Variants in MARCHF8 observed in about 807,000 individuals in gnomAD.
The protein encoded by MARCHF8 is E3 ubiquitin-protein ligase MARCHF8.
MARCHF8 carries 40 observed loss-of-function variants against 51.6 expected under a neutral mutation model. The ratio of observed to expected loss-of-function variants is 0.77; its 90% CI spans 0.60 to 1.01. MARCHF8 has a LOEUF of 1.01. Ranked by LOEUF, MARCHF8 falls within the 50% of genes least tolerant of loss-of-function variation. MARCHF8 has a pLI of 0.00. For missense variants in MARCHF8, 685 were observed against 708.6 expected, an observed-to-expected ratio of 0.97 and a Z score of 0.38; for synonymous variants, 263 against 280.3, an observed-to-expected ratio of 0.94 and a Z score of 0.62.
chr10:45,578,290 T>A (rs2044512487), intron 1 of MARCHF8, among the ~76,000 whole-genome samples: 1 of 152,152 alleles, frequency 6.6e-6, no homozygotes, highest in Admixed American at 6.5e-5. Flanking sequence ...AGTAAATAGG[T>A]ACTCAAAGAA....
Position 45,533,263 on chromosome 10 carries a change from G to C in MARCHF8, c.-52C>G. The C allele has an allele frequency of 1.3e-6, 2 of 1,547,744 alleles. No individual in the cohort carries two copies. The highest frequency in any genetic ancestry group is 1.3e-5 in the South Asian group (1 of 79,474). On this transcript the variant is annotated 5_prime_UTR_variant, in exon 2 of 8. Transcript: ENST00000453424. ...TCACAGAAGAGAGTCTCCACTGGTA[G>C]AGTCATTTTGGGCCATGGATTTCAA... is the stretch of plus-strand genomic sequence containing the variant.
At chr10:45,466,393 G>A (rs993440181) in intron 3 of MARCHF8, among the ~76,000 whole-genome samples, 2 of 152,148 alleles carry the variant, frequency 1.3e-5, no homozygotes, top group African/African-American at 4.8e-5. Flanking sequence ...GCCTGATCAC[G>A]GTGTATTGCA....
At chr10:45,493,288 AGC>A in intron 2 of MARCHF8, among the ~76,000 whole-genome samples, 1 of 152,330 alleles carries the variant, frequency 6.6e-6, no homozygotes, top group African/African-American at 2.4e-5. Flanking sequence ...GCCCAAACTA[AGC>A]TTCAATGCCC....
intron 1 of MARCHF8, among the ~76,000 whole-genome samples, chr10:45,568,212 G>A (rs1377426648): frequency 1.3e-5 from 2 of 152,148 alleles, no homozygotes; most frequent in African/African-American, 4.8e-5. Flanking sequence ...TACACCATCT[G>A]TAAACAACGA....
Position 45,463,583 on chromosome 10 carries a change from G to A in MARCHF8, c.656C>T (p.Ser219Leu). 1 of 1,550,666 alleles carries A rather than the reference G, an allele frequency of 6.4e-7. No individual in the cohort carries two copies. The highest frequency in any genetic ancestry group is 2.4e-5 in the East Asian group (1 of 40,926). The change falls in exon 5 of 8, where the codon TCA becomes TTA. Residue 219 changes from serine to leucine, a missense_variant. Transcript: ENST00000453424. ...AGTTGAGCGACCGGCAGAAAGGCAT[G>A]AAACACAAGAATGTTTGGAATTGCC... is the stretch of plus-strand genomic sequence containing the variant. ...PLGNSKHSCVSCLSAGRSTAS... is the reference protein window; with the variant it reads ...PLGNSKHSCVLCLSAGRSTAS...
In MARCHF8 at chr10:45,469,864, CAAAAAAAAAAAAA is replaced by C. The variant is rs55832920; in HGVS notation, c.154-5550_154-5538del. Among the ~76,000 whole-genome samples the C allele has an allele frequency of 6.3e-4, 36 of 57,036 alleles. 1 individual carries two copies. The highest frequency in any genetic ancestry group is 3.4e-3 in the South Asian group (3 of 888). The allele number at this position is 57,036 out of a possible 152,430, so 37.4% of individuals were successfully genotyped here. A position where few individuals can be genotyped will look rare whatever the true frequency, so the allele number is the denominator to read the frequency against. ...TGGGCGACAGAGTGAGACTCCGTCT[CAAAAAAAAAAAAA>C]AAAAAAAAAAAAAAAAGCTACTTCT... On this transcript the variant is annotated intron_variant, in intron 3 of 7. Coordinates refer to ENST00000453424, the MANE Select transcript of MARCHF8 (RefSeq NM_001282866.2).
intron 2 of MARCHF8, among the ~76,000 whole-genome samples, chr10:45,527,058 A>C (rs2133256450): frequency 6.6e-6 from 1 of 152,344 alleles, no homozygotes; most frequent in South Asian, 2.1e-4. Context: ...AAGTTTAAAA[A>C]TTTTTTAAAC....
At chr10:45,541,121 G>A (rs1029547126) in intron 1 of MARCHF8, among the ~76,000 whole-genome samples, 7 of 152,148 alleles carry the variant, frequency 4.6e-5, no homozygotes, top group Non-Finnish European at 7.3e-5. Flanking sequence ...ACATGCACAC[G>A]TATGTTTATT....
intron 1 of MARCHF8, among the ~76,000 whole-genome samples, chr10:45,573,113 A>G (rs1386151394): frequency 6.6e-6 from 1 of 152,116 alleles, no homozygotes; most frequent in Non-Finnish European, 1.5e-5. Flanking sequence ...ATCAAATATG[A>G]AAAACCCAGC....
chr10:45,575,673 T>C (rs1425282640), intron 1 of MARCHF8, among the ~76,000 whole-genome samples: 2 of 152,190 alleles, frequency 1.3e-5, no homozygotes, highest in Non-Finnish European at 2.9e-5. Context: ...TTTCGTTTTA[T>C]TTTTCTTATT....
intron 2 of MARCHF8, among the ~76,000 whole-genome samples, chr10:45,502,559 G>A (rs2043300569): frequency 6.6e-6 from 1 of 152,132 alleles, no homozygotes; most frequent in Non-Finnish European, 1.5e-5. Flanking sequence ...AAAAAAGGAT[G>A]CATTACTTAT....
chr10:45,592,023 C>T (rs992488006), intron 1 of MARCHF8, among the ~76,000 whole-genome samples: 1 of 152,154 alleles, frequency 6.6e-6, no homozygotes, highest in Non-Finnish European at 1.5e-5. Flanking sequence ...TCAGATTACA[C>T]GTTTTAACTC....
At chr10:45,566,641 T>C (rs561020823) in intron 1 of MARCHF8, among the ~76,000 whole-genome samples, 57 of 152,190 alleles carry the variant, frequency 3.7e-4, no homozygotes, top group Admixed American at 2.8e-3. Context: ...TACTCCACTG[T>C]GTATCACATT....
intron 1 of MARCHF8, among the ~76,000 whole-genome samples, chr10:45,555,953 G>A (rs9422654): frequency 0.062 from 9,386 of 152,050 alleles, 331 homozygotes; most frequent in Non-Finnish European, 0.067. Context: ...AGTCTTCTCT[G>A]TACTAGTATT....
At chr10:45,574,704 C>T (rs752485992) in intron 1 of MARCHF8, among the ~76,000 whole-genome samples, 4 of 152,170 alleles carry the variant, frequency 2.6e-5, no homozygotes, top group Non-Finnish European at 5.9e-5. Flanking sequence ...CTGCATGTGG[C>T]GGCTACCGCT....
In MARCHF8 at chr10:45,463,928, G is replaced by A. The variant is rs1186907247; in HGVS notation, c.311C>T (p.Pro104Leu). The A allele has an allele frequency of 2.0e-6, 3 of 1,536,238 alleles. No individual in the cohort carries two copies. The Admixed American group carries it at 5.9e-5, about 30-fold the overall frequency. Reference protein sequence around the residue: ...SVQSAVVSKAPHCQSSLTQGL... With the variant: ...SVQSAVVSKALHCQSSLTQGL... ...TTGTGTCAGAGAACTCTGGCAGTGA[G>A]GAGCTTTCGAGACAACAGCAGACTG... The change falls in exon 5 of 8, where the codon CCT becomes CTT. Residue 104 changes from proline (P) to leucine (L), a missense_variant. Transcript: ENST00000453424.
At chr10:45,501,632 C>T (rs1183186942) in intron 2 of MARCHF8, among the ~76,000 whole-genome samples, 1 of 152,086 alleles carries the variant, frequency 6.6e-6, no homozygotes, top group Non-Finnish European at 1.5e-5. Flanking sequence ...ATTTAAGAAA[C>T]TGATCAATTA....
chr10:45,513,197 C>T (rs925539764), intron 2 of MARCHF8, among the ~76,000 whole-genome samples: 10 of 150,638 alleles, frequency 6.6e-5, no homozygotes, highest in African/African-American at 2.2e-4. Context: ...TCCCCCTCTG[C>T]GAGAAACACC....
intron 2 of MARCHF8, among the ~76,000 whole-genome samples, chr10:45,524,609 T>C (rs2133247612): frequency 6.6e-6 from 1 of 152,320 alleles, no homozygotes. Flanking sequence ...CATGAAAACA[T>C]ACTTCTATAA....
Sources: allele counts gnomAD v4.1 joint callset (sites outside exome capture counted in the v4.1 genomes callset), GRCh38; gene constraint gnomAD v4.1.1; transcripts MANE v1.5; gene names NCBI Gene and HGNC (gene_info 2026-07-23, HGNC 2026-07-21).